The following NR3C2 variants were observed in gnomAD, a reference collection of about 807,000 sequenced individuals.
NR3C2 encodes nuclear receptor subfamily 3 group C member 2.
NR3C2 carries 15 observed loss-of-function variants against 86.4 expected under a neutral mutation model. The ratio of observed to expected loss-of-function variants is 0.17; its 90% CI spans 0.12 to 0.27. The LOEUF (loss-of-function observed/expected upper bound fraction) is 0.27, where lower values mean the gene tolerates loss of function less well. Among genes scored for constraint, NR3C2 ranks in the 10% least tolerant of loss-of-function variants. The probability of loss-of-function intolerance (pLI) is 1.00; values close to 1 mark genes in which losing one functional copy is unlikely to be tolerated. For missense variants in NR3C2, 960 were observed against 1,195.6 expected (o/e 0.80, Z 2.91); for synonymous variants, 458 against 450.5 (o/e 1.02, Z -0.21).
intron 4 of NR3C2, among the ~76,000 whole-genome samples, chr4:148,186,986 G>GTATATATA (rs1735928559): frequency 9.9e-6 from 1 of 101,318 alleles, no homozygotes; most frequent in African/African-American, 3.6e-5. Context: ...ATACTGATGT[G>GTATATATA]TGTATGTATG....
chr4:148,191,364 TA>T (rs1171430724), intron 4 of NR3C2, among the ~76,000 whole-genome samples: 1 of 152,250 alleles, frequency 6.6e-6, no homozygotes, highest in Non-Finnish European at 1.5e-5. Flanking sequence ...GTTAATCTGA[TA>T]GGTTTTCCTT....
intron 2 of NR3C2, among the ~76,000 whole-genome samples, chr4:148,291,844 C>T (rs1003143426): frequency 6.6e-6 from 1 of 152,148 alleles, no homozygotes; most frequent in Non-Finnish European, 1.5e-5. Flanking sequence ...ATCAAACCTA[C>T]TGAACATTAT....
At chr4:148,445,092 C>A, upstream of NR3C2, 1 of 731,002 alleles carries the variant, frequency 1.4e-6, no homozygotes, top group Non-Finnish European at 1.7e-6. Context: ...CGCCGGCAGC[C>A]GCCCTCCCAC....
At chr4:148,084,046 T>C (rs1278953593) in intron 8 of NR3C2, among the ~76,000 whole-genome samples, 1 of 152,158 alleles carries the variant, frequency 6.6e-6, no homozygotes, top group Admixed American at 6.5e-5. Context: ...CTACGTTTAA[T>C]TGGTGTAACT....
At position 148,220,912 on chromosome 4, in the gene NR3C2, T is replaced by C. The variant is rs537078632; in HGVS notation, c.1898-26050A>G. On this transcript the variant is annotated intron_variant, in intron 3 of 8. Transcript: ENST00000358102. ...GGAGAGGTGCAACACACAAGGTTTTTAACATCTGCTTCCTTAATTCAGACT... is the reference window on the plus strand; with the variant it reads ...GGAGAGGTGCAACACACAAGGTTTTCAACATCTGCTTCCTTAATTCAGACT... 4.6e-5 allele frequency among the ~76,000 whole-genome samples: 7 copies of C among 152,142 alleles called. No homozygotes were observed. In the South Asian group the frequency reaches 1.5e-3, roughly 32 times the overall value.
chr4:148,310,159 T>C (rs1742837747), intron 2 of NR3C2, among the ~76,000 whole-genome samples: 1 of 152,246 alleles, frequency 6.6e-6, no homozygotes, highest in Non-Finnish European at 1.5e-5. Flanking sequence ...CATAGACTTA[T>C]GCTAGAATTT....
chr4:148,375,455 C>G (rs1233015804), intron 2 of NR3C2, among the ~76,000 whole-genome samples: 1 of 131,850 alleles, frequency 7.6e-6, no homozygotes, highest in Non-Finnish European at 1.6e-5. Context: ...GACTCTATCT[C>G]AAAGAAAGAA....
In NR3C2 at chr4:148,080,928, A is replaced by G. The variant is rs886059127; in HGVS notation, c.*416T>C. 6.1e-6 allele frequency: 2 copies of G among 325,734 alleles called. No individual in the cohort carries two copies. Among genetic ancestry groups the G allele is most frequent in the Non-Finnish European group, 6.2e-6 (1 of 160,526 alleles). 20.2% of individuals were successfully genotyped at this position (325,734 alleles called of 1,614,324 possible). On this transcript the variant is annotated 3_prime_UTR_variant, in exon 9 of 9. Coordinates refer to ENST00000358102, the MANE Select transcript of NR3C2 (RefSeq NM_000901.5). ...AGAATATTAATGCCCCATATTGACT[A>G]TACGTTTTATGTGCAAACCAAGGGT...
intron 1 of NR3C2, among the ~76,000 whole-genome samples, chr4:148,437,940 T>C (rs1012392986): frequency 3.3e-5 from 5 of 152,232 alleles, no homozygotes; most frequent in African/African-American, 9.6e-5. Context: ...TAATAGGCTA[T>C]ATTGATATAA....
intron 6 of NR3C2, among the ~76,000 whole-genome samples, chr4:148,151,125 T>C (rs1019319588): frequency 2.0e-5 from 3 of 152,148 alleles, no homozygotes; most frequent in Non-Finnish European, 4.4e-5. Flanking sequence ...CTGAGTTGTA[T>C]GCTTAAAAAT....
At chr4:148,184,167 T>C (rs1338697836) in intron 4 of NR3C2, among the ~76,000 whole-genome samples, 2 of 152,030 alleles carry the variant, frequency 1.3e-5, no homozygotes, top group South Asian at 2.1e-4. Flanking sequence ...ATGATAAGGA[T>C]AGGCTGGGTG....
chr4:148,234,555 C>A (rs970691955), intron 3 of NR3C2, among the ~76,000 whole-genome samples: 1 of 151,820 alleles, frequency 6.6e-6, no homozygotes, highest in Non-Finnish European at 1.5e-5. Flanking sequence ...TGGTGGCATG[C>A]GCCTGTAGTC....
At chr4:148,354,936 A>C (rs1225630823) in intron 2 of NR3C2, among the ~76,000 whole-genome samples, 1 of 152,206 alleles carries the variant, frequency 6.6e-6, no homozygotes, top group Non-Finnish European at 1.5e-5. Flanking sequence ...GGAAAGTAAT[A>C]AGTGATTTCA....
intron 4 of NR3C2, among the ~76,000 whole-genome samples, chr4:148,171,349 C>T (rs1451410819): frequency 1.3e-5 from 2 of 152,176 alleles, no homozygotes; most frequent in African/African-American, 2.4e-5. Context: ...ACTTCAATCA[C>T]GAGTGCAGCT....
intron 7 of NR3C2, among the ~76,000 whole-genome samples, chr4:148,116,292 A>G (rs1732270826): frequency 6.6e-6 from 1 of 152,260 alleles, no homozygotes. Context: ...CTTATATATT[A>G]TTGCTGTAAC....
chr4:148,244,046 A>G (rs188294139), intron 3 of NR3C2, among the ~76,000 whole-genome samples: 2 of 152,364 alleles, frequency 1.3e-5, no homozygotes, highest in African/African-American at 4.8e-5. Flanking sequence ...ATGTACCAGC[A>G]GTGACGTCCA....
At chr4:148,330,657 T>C (rs6851669) in intron 2 of NR3C2, among the ~76,000 whole-genome samples, 24,734 of 152,236 alleles carry the variant, frequency 0.16, 2,338 homozygotes, top group South Asian at 0.27. Flanking sequence ...TTCTCCCATT[T>C]GACTTTATAT....
upstream of NR3C2, chr4:148,444,648 G>C: frequency 5.1e-6 from 5 of 985,846 alleles, no homozygotes; most frequent in Non-Finnish European, 6.0e-6. Flanking sequence ...GGATGGAGAG[G>C]ATGATAATCC....
chr4:148,300,081 C>A (rs1447755010), intron 2 of NR3C2, among the ~76,000 whole-genome samples: 1 of 152,144 alleles, frequency 6.6e-6, no homozygotes, highest in African/African-American at 2.4e-5. Context: ...ACTCTACAGG[C>A]CCACTGTTGA....
Sources: gnomAD v4.1 joint callset for allele counts (sites outside exome capture counted in the v4.1 genomes callset) on GRCh38, gnomAD v4.1.1 for gene constraint, MANE v1.5 for transcripts, NCBI Gene and HGNC (gene_info 2026-07-23, HGNC 2026-07-21) for gene names.